The following CTTN variants were observed in gnomAD, a reference collection of about 807,000 sequenced individuals.
The protein encoded by CTTN is src substrate cortactin.
Under a neutral mutation model 84.0 loss-of-function variants are expected in CTTN, and 28 were observed. That is an observed-to-expected ratio of 0.33 (90% CI 0.25 to 0.46). CTTN has a LOEUF of 0.46. CTTN is among the 20% of genes least tolerant of loss of function. The pLI, the probability that CTTN is intolerant of heterozygous loss-of-function variation, is 1.00. For synonymous variants in CTTN, 301 were observed against 288.8 expected, an observed-to-expected ratio of 1.04 and a Z score of -0.43; for missense variants, 641 against 723.8, an observed-to-expected ratio of 0.89 and a Z score of 1.31.
chr11:70,417,019 C>T lies in CTTN; in HGVS notation c.464C>T (p.Ser155Phe). 1.2e-6 allele frequency: 2 copies of T among 1,613,966 alleles called. No homozygotes were observed. Among genetic ancestry groups the T allele is most frequent in the Non-Finnish European group, 1.7e-6 (2 of 1,179,814 alleles). The change falls in exon 8 of 18, where the codon TCC (serine) becomes TTC (phenylalanine). Residue 155 changes from serine (S) to phenylalanine (F), a missense_variant. By Grantham distance (155) the Ser-to-Phe change is radical. Transcript: ENST00000301843. ...TEKHASQKDY[S>F]SGFGGKYGVQ... ...TGCTGCCCTGTCTCTCCAGACTACTCCAGTGGTTTTGGCGGCAAGTATGGC... is the reference window on the plus strand; with the variant it reads ...TGCTGCCCTGTCTCTCCAGACTACTTCAGTGGTTTTGGCGGCAAGTATGGC...
At chr11:70,407,276 C>T (rs1405615992) in intron 2 of CTTN, 22 bp from the exon 3 acceptor site, 1 of 1,548,750 alleles carries the variant, frequency 6.5e-7, no homozygotes, top group Non-Finnish European at 8.7e-7. Context: ...GCCTCCGTAA[C>T]CCTCCCCGGC....
At chr11:70,428,291 G>A (rs2058320877) in intron 13 of CTTN, among the ~76,000 whole-genome samples, 1 of 149,564 alleles carries the variant, frequency 6.7e-6, no homozygotes, top group Non-Finnish European at 1.5e-5. Flanking sequence ...TCAGCCTCCC[G>A]AGTAGCTGGG....
chr11:70,425,382 G>A lies in CTTN; in HGVS notation c.1008G>A (p.Lys336=). The A allele has an allele frequency of 2.5e-6, 4 of 1,612,284 alleles. No homozygotes were observed. The highest frequency in any genetic ancestry group is 1.7e-6 in the Non-Finnish European group (2 of 1,179,194). The part of the protein sequence containing the change: ...DVTQVSSAYQ[K]TVPVEAVTSK... ...CCCAGGTGTCCTCTGCCTACCAGAA[G>A]ACAGTACCTGTCGAAGCTGGTGAGT... The change falls in exon 13 of 18, where the codon AAG becomes AAA. Residue 336 remains lysine, a synonymous_variant. Transcript: ENST00000301843.
intron 7 of CTTN, chr11:70,416,809 G>A: frequency 1.8e-6 from 1 of 546,148 alleles, no homozygotes; most frequent in South Asian, 2.3e-5. Flanking sequence ...CAGCTGACAG[G>A]GCCCAGAACC....
At chr11:70,400,967 T>A (rs187836643) in intron 1 of CTTN, among the ~76,000 whole-genome samples, 1 of 152,258 alleles carries the variant, frequency 6.6e-6, no homozygotes, top group East Asian at 1.9e-4. Context: ...GTTTCCTTTC[T>A]CCTCCTGCTC....
In CTTN at chr11:70,435,755, G is replaced by A. The variant is rs1414689663; in HGVS notation, c.*593G>A. 1.3e-6 allele frequency: 2 copies of A among 1,596,684 alleles called. No individual in the cohort carries two copies. The highest frequency in any genetic ancestry group is 2.7e-5 in the African/African-American group (2 of 74,884). The stretch of plus-strand genomic sequence containing the variant: ...AGCCCGCAGGATCAGGTGACTTCTA[G>A]CAGAGACCCTGGTTTTTTTCCTGTG... On this transcript the variant is annotated 3_prime_UTR_variant, in exon 18 of 18. Coordinates refer to ENST00000301843, the MANE Select transcript of CTTN (RefSeq NM_005231.4).
intron 15 of CTTN, among the ~76,000 whole-genome samples, chr11:70,432,652 G>A (rs910553687): frequency 2.0e-5 from 3 of 152,260 alleles, no homozygotes; most frequent in African/African-American, 7.2e-5. Context: ...CTGGAGCCAC[G>A]TGGTGAAGCC....
intron 9 of CTTN, 175 bp downstream of exon 9, chr11:70,420,031 C>T (rs1374552246): frequency 3.2e-6 from 2 of 626,846 alleles, no homozygotes; most frequent in Non-Finnish European, 5.6e-6. Flanking sequence ...TAAATAGGAA[C>T]TCGCAGCTTG....
chr11:70,408,943 T>C (rs1214838377), intron 4 of CTTN, among the ~76,000 whole-genome samples: 1 of 152,012 alleles, frequency 6.6e-6, no homozygotes, highest in Admixed American at 6.6e-5. Flanking sequence ...TCAAAACATG[T>C]CTCGGAGGGT....
intron 8 of CTTN, 68 bp downstream of exon 8, chr11:70,417,191 C>G: frequency 8.8e-7 from 1 of 1,135,446 alleles, no homozygotes; most frequent in Non-Finnish European, 1.3e-6. Context: ...CATTTTCTCT[C>G]TGCACACGTG....
intron 8 of CTTN, among the ~76,000 whole-genome samples, chr11:70,419,335 C>T (rs922631625): frequency 2.0e-5 from 3 of 152,086 alleles, no homozygotes; most frequent in Non-Finnish European, 1.5e-5. Context: ...GACTTAAACC[C>T]CTGACCTCAG....
intron 4 of CTTN, among the ~76,000 whole-genome samples, chr11:70,408,507 C>G (rs927609416): frequency 3.3e-5 from 5 of 152,178 alleles, no homozygotes; most frequent in African/African-American, 1.2e-4. Context: ...AAGCGATCCT[C>G]TCACCTCAGC....
rs199842991 is a variant in CTTN at position 70,435,173 on chromosome 11, C to A, written c.*11C>A. ...GAGCTGCGGCAGTAGGGCCCCCAGC[C>A]CCCCCCCGGAGCTGCGCCCTGGATC... On this transcript the variant is annotated 3_prime_UTR_variant, in exon 18 of 18. Coordinates refer to ENST00000301843, the MANE Select transcript of CTTN (RefSeq NM_005231.4). The A allele has an allele frequency of 3.1e-4, 504 of 1,600,920 alleles. 1 individual carries two copies. The highest frequency in any genetic ancestry group is 1.6e-3 in the African/African-American group (122 of 74,778).
intron 6 of CTTN, among the ~76,000 whole-genome samples, chr11:70,415,238 A>C (rs1026386430): frequency 3.3e-5 from 5 of 152,228 alleles, no homozygotes; most frequent in African/African-American, 1.2e-4. Flanking sequence ...GATCATACCT[A>C]TCTCACGGGT....
intron 1 of CTTN, among the ~76,000 whole-genome samples, chr11:70,402,315 G>A (rs2057996203): frequency 6.6e-6 from 1 of 152,204 alleles, no homozygotes; most frequent in Admixed American, 6.5e-5. Context: ...TATTGTAACA[G>A]CTTTATCGAG....
chr11:70,409,600 G>A (rs556529759), intron 4 of CTTN, among the ~76,000 whole-genome samples: 5 of 152,296 alleles, frequency 3.3e-5, no homozygotes, highest in South Asian at 2.1e-4. Flanking sequence ...CTTCAGATTC[G>A]TGTTCTGTCT....
At chr11:70,412,039 C>A (rs564943159) in intron 5 of CTTN, among the ~76,000 whole-genome samples, 1 of 148,546 alleles carries the variant, frequency 6.7e-6, no homozygotes, top group South Asian at 2.1e-4. Flanking sequence ...CAGGGCGAGT[C>A]CAGCAAGGGA....
At chr11:70,421,104 C>T (rs1046224404) in intron 10 of CTTN, among the ~76,000 whole-genome samples, 1 of 152,218 alleles carries the variant, frequency 6.6e-6, no homozygotes, top group Non-Finnish European at 1.5e-5. Context: ...GGGGCTGCAG[C>T]GCCCTCCGAA....
intron 4 of CTTN, among the ~76,000 whole-genome samples, chr11:70,408,807 C>G (rs1468508257): frequency 2.0e-5 from 3 of 152,170 alleles, no homozygotes; most frequent in Admixed American, 1.3e-4. Flanking sequence ...CTGCCCAGGA[C>G]AAGAGACTGG....
Sources: gnomAD v4.1 joint callset for allele counts (sites outside exome capture counted in the v4.1 genomes callset) on GRCh38, gnomAD v4.1.1 for gene constraint, MANE v1.5 for transcripts, NCBI Gene and HGNC (gene_info 2026-07-23, HGNC 2026-07-21) for gene names.